Variants in ZFAT observed in about 807,000 individuals in gnomAD.
The protein encoded by ZFAT is zinc finger and AT-hook domain containing, also known as zinc finger protein ZFAT.
In ZFAT, 64 loss-of-function variants were observed where a neutral mutation model predicts 117.7. That is an observed-to-expected ratio of 0.54 (90% CI 0.44 to 0.67). The LOEUF (loss-of-function observed/expected upper bound fraction) is 0.67. ZFAT is among the 30% of genes least tolerant of loss of function. ZFAT has a pLI of 0.00. For synonymous variants in ZFAT, 679 were observed against 615.0 expected (o/e 1.10, Z -1.54); for missense variants, 1,433 against 1,584.5 (o/e 0.90, Z 1.62).
chr8:134,680,865 T>A (rs1833039976), intron 1 of ZFAT, among the ~76,000 whole-genome samples: 1 of 152,242 alleles, frequency 6.6e-6, no homozygotes, highest in Non-Finnish European at 1.5e-5. Flanking sequence ...TTTAAAAATG[T>A]AAACCACTTT....
chr8:134,610,385 T>A, intron 4 of ZFAT, 85 bp downstream of exon 4: 1 of 1,424,396 alleles, frequency 7.0e-7, no homozygotes, highest in Non-Finnish European at 9.4e-7. Context: ...AGCTCTGTGT[T>A]CTGACTCAGA....
At chr8:134,740,310 T>C in the ZFAT span, among the ~76,000 whole-genome samples, 1 of 152,178 alleles carries the variant, frequency 6.6e-6, no homozygotes, top group South Asian at 2.1e-4. Flanking sequence ...TCCTAAGTGC[T>C]AGACATGGGT....
At chr8:134,801,450 A>G in the ZFAT span, among the ~76,000 whole-genome samples, 19,398 of 152,200 alleles carry the variant, frequency 0.13, 1,295 homozygotes, top group African/African-American at 0.15. Context: ...CACTGCCAGC[A>G]AACTTTAAAA....
the ZFAT span, among the ~76,000 whole-genome samples, chr8:134,747,525 G>C: frequency 6.6e-6 from 1 of 152,104 alleles, no homozygotes; most frequent in Non-Finnish European, 1.5e-5. Context: ...CTTTTAATTT[G>C]AAATACCGAA....
At chr8:134,619,804 G>A (rs949708957) in intron 3 of ZFAT, among the ~76,000 whole-genome samples, 2 of 152,178 alleles carry the variant, frequency 1.3e-5, no homozygotes, top group African/African-American at 4.8e-5. Flanking sequence ...CTGCTCCCAA[G>A]CCCCTTATAA....
intron 10 of ZFAT, among the ~76,000 whole-genome samples, chr8:134,574,303 A>T (rs188372601): frequency 1.7e-4 from 26 of 152,218 alleles, no homozygotes; most frequent in African/African-American, 6.3e-4. Context: ...CTGAGCTCCC[A>T]TTCTCTGCTC....
At chr8:134,747,130 C>T in the ZFAT span, among the ~76,000 whole-genome samples, 1 of 151,904 alleles carries the variant, frequency 6.6e-6, no homozygotes, top group Non-Finnish European at 1.5e-5. Context: ...GCTCTGTTGC[C>T]CAGGTTGGAG....
chr8:134,483,934 G>A (rs764726000), intron 15 of ZFAT, among the ~76,000 whole-genome samples: 20 of 152,178 alleles, frequency 1.3e-4, no homozygotes, highest in Non-Finnish European at 2.6e-4. Flanking sequence ...CAGTGGCTAC[G>A]GCTCTGGCTG....
the ZFAT span, among the ~76,000 whole-genome samples, chr8:134,803,470 T>A: frequency 7.9e-5 from 12 of 151,996 alleles, no homozygotes; most frequent in Non-Finnish European, 2.9e-5. Flanking sequence ...TTATTTAGAG[T>A]TCATAGGAAG....
intron 10 of ZFAT, among the ~76,000 whole-genome samples, chr8:134,576,548 G>A (rs956673302): frequency 6.6e-6 from 1 of 152,208 alleles, no homozygotes; most frequent in Non-Finnish European, 1.5e-5. Context: ...AGTTAACCTT[G>A]TAAGATCAAT....
chr8:134,750,748 A>G, the ZFAT span, among the ~76,000 whole-genome samples: 1 of 152,208 alleles, frequency 6.6e-6, no homozygotes, highest in South Asian at 2.1e-4. Flanking sequence ...CCTGGATGAC[A>G]GAGCGAGACC....
At chr8:134,671,123 C>T (rs1485828310) in intron 1 of ZFAT, among the ~76,000 whole-genome samples, 1 of 152,122 alleles carries the variant, frequency 6.6e-6, no homozygotes, top group Non-Finnish European at 1.5e-5. Context: ...AGCATACCAA[C>T]CAAAAAAAGT....
intron 3 of ZFAT, among the ~76,000 whole-genome samples, chr8:134,611,952 G>A (rs1174239074): frequency 6.6e-6 from 1 of 152,208 alleles, no homozygotes; most frequent in Non-Finnish European, 1.5e-5. Flanking sequence ...GCATTAGCCT[G>A]AGGGGTAAGA....
intron 2 of ZFAT, among the ~76,000 whole-genome samples, chr8:134,641,390 C>CCT (rs1312749999): frequency 1.3e-5 from 2 of 152,172 alleles, no homozygotes; most frequent in Non-Finnish European, 2.9e-5. Context: ...GCTGTGACCA[C>CCT]CTCCTTCACT....
At chr8:134,569,801 C>A (rs1374353521) in intron 10 of ZFAT, among the ~76,000 whole-genome samples, 1 of 152,170 alleles carries the variant, frequency 6.6e-6, no homozygotes, top group East Asian at 1.9e-4. Flanking sequence ...CTCCCTGAGA[C>A]AATCCAAATA....
intron 13 of ZFAT, among the ~76,000 whole-genome samples, chr8:134,520,143 T>C (rs1820543302): frequency 6.6e-6 from 1 of 152,200 alleles, no homozygotes; most frequent in South Asian, 2.1e-4. Flanking sequence ...TGAACATTGG[T>C]AATGTCTGGA....
At chr8:134,737,698 G>A in the ZFAT span, among the ~76,000 whole-genome samples, 1 of 152,186 alleles carries the variant, frequency 6.6e-6, no homozygotes, top group Admixed American at 6.5e-5. Context: ...TAAGGCTAAT[G>A]AATTAATTTT....
Position 134,521,425 on chromosome 8 carries a change from A to T in ZFAT, c.3116-424T>A, listed in dbSNP as rs570087544. 2.0e-5 allele frequency among the ~76,000 whole-genome samples: 3 copies of T among 152,350 alleles called. No homozygotes were observed. The East Asian group carries it at 5.8e-4, about 29-fold the overall frequency. On this transcript the variant is annotated intron_variant, in intron 12 of 15. Coordinates refer to ENST00000377838, the MANE Select transcript of ZFAT (RefSeq NM_020863.4). ...TTCTTAATCTCCTTTGTCCCAAAAC[A>T]CTAAGACCAGGAGCCTGATTCTCAG...
rs374248970 is a variant in ZFAT at position 134,539,234 on chromosome 8, T to C, written c.2977-6262A>G. Among the ~76,000 whole-genome samples, 15 of 152,298 alleles carry C rather than the reference T, an allele frequency of 9.8e-5. 1 individual carries two copies. In the South Asian group the frequency reaches 1.7e-3, roughly 17 times the overall value. On this transcript the variant is annotated intron_variant, in intron 11 of 15. Transcript: ENST00000377838. ...AGCAGATGGGAAGCTGGTGATGAGG[T>C]AATGTTCAAGGTCATGACATTGGCA...
Sources: gnomAD v4.1 joint callset for allele counts (sites outside exome capture counted in the v4.1 genomes callset) on GRCh38, gnomAD v4.1.1 for gene constraint, MANE v1.5 for transcripts, NCBI Gene and HGNC (gene_info 2026-07-23, HGNC 2026-07-21) for gene names.